SLC6A17: variants seen among roughly 807,000 people sequenced by gnomAD.
SLC6A17 encodes the protein sodium-dependent neutral amino acid transporter SLC6A17.
SLC6A17 carries 21 observed loss-of-function variants against 64.5 expected under a neutral mutation model. That is an observed-to-expected ratio of 0.33 (90% CI 0.23 to 0.47). The LOEUF (loss-of-function observed/expected upper bound fraction) is 0.47, where lower values mean the gene tolerates loss of function less well. Among genes scored for constraint, SLC6A17 ranks in the 20% least tolerant of loss-of-function variants. The pLI is 1.00. For missense variants in SLC6A17, 682 were observed against 963.2 expected, an observed-to-expected ratio of 0.71 and a Z score of 3.86; for synonymous variants, 372 against 399.5, an observed-to-expected ratio of 0.93 and a Z score of 0.82.
At chr1:110,194,145 G>A (rs905962123) in intron 8 of SLC6A17, among the ~76,000 whole-genome samples, 14 of 152,188 alleles carry the variant, frequency 9.2e-5, no homozygotes, top group East Asian at 3.8e-4. Context: ...TAAAGGCTCC[G>A]GTGTGCTTCC....
At chr1:110,160,338 T>C (rs1428778411) in intron 1 of SLC6A17, among the ~76,000 whole-genome samples, 1 of 152,218 alleles carries the variant, frequency 6.6e-6, no homozygotes, top group Non-Finnish European at 1.5e-5. Context: ...TGTGAGGCAG[T>C]AGTAAGATTT....
At chr1:110,184,123 T>G (rs1392817355) in intron 6 of SLC6A17, among the ~76,000 whole-genome samples, 7 of 152,028 alleles carry the variant, frequency 4.6e-5, no homozygotes, top group African/African-American at 1.4e-4. Context: ...TTTTTGTTGG[T>G]TTTTTTTGAC....
chr1:110,191,955 T>A lies in SLC6A17; in HGVS notation c.865-17T>A, dbSNP rs2100947558. Reference sequence around the variant, plus strand: ...CTGTGTCTCTTTTCTTCCTCCTGCCTTGGTCTTCTGCCATAGCTGGACAAG... The same window carrying A: ...CTGTGTCTCTTTTCTTCCTCCTGCCATGGTCTTCTGCCATAGCTGGACAAG... On this transcript the variant is annotated splice_polypyrimidine_tract_variant and intron_variant, in intron 6 of 11. Coordinates refer to ENST00000331565, the MANE Select transcript of SLC6A17 (RefSeq NM_001010898.4). 1.2e-6 allele frequency: 2 copies of A among 1,610,014 alleles called. No homozygotes were observed. The highest frequency in any genetic ancestry group is 2.2e-5 in the South Asian group (2 of 90,894).
chr1:110,191,927 CCTCT>C, intron 6 of SLC6A17, 41 bp from the exon 7 acceptor site: 1 of 1,593,750 alleles, frequency 6.3e-7, no homozygotes, highest in Non-Finnish European at 8.6e-7. Flanking sequence ...AAAACCATCC[CCTCT>C]GTGTCTCTTT....
chr1:110,167,137 A>G lies in SLC6A17; in HGVS notation c.208A>G (p.Ile70Val), dbSNP rs763251686. The change falls in exon 2 of 12, where the codon ATC becomes GTC. Residue 70 changes from isoleucine (I) to valine (V), a missense_variant. Physicochemically the swap from Ile to Val is conservative, Grantham distance 29. Transcript: ENST00000331565. Reference protein sequence around the residue: ...RPAWNSKLQYILAQIGFSVGL... With the variant: ...RPAWNSKLQYVLAQIGFSVGL... ...GGCCTGGAACAGTAAGCTGCAGTAC[A>G]TCCTGGCCCAGATTGGCTTCTCTGT... The G allele has an allele frequency of 1.9e-6, 3 of 1,613,498 alleles. No individual in the cohort carries two copies. Among genetic ancestry groups the G allele is most frequent in the Non-Finnish European group, 2.5e-6 (3 of 1,179,912 alleles).
chr1:110,165,052 A>T (rs919689609), intron 1 of SLC6A17, among the ~76,000 whole-genome samples: 1 of 152,114 alleles, frequency 6.6e-6, no homozygotes, highest in African/African-American at 2.4e-5. Flanking sequence ...CCCAGATCTC[A>T]TCTTTAGTAA....
intron 1 of SLC6A17, among the ~76,000 whole-genome samples, chr1:110,157,616 TAGTC>T (rs1362403159): frequency 6.6e-5 from 10 of 152,050 alleles, no homozygotes; most frequent in East Asian, 3.9e-4. Flanking sequence ...AAAATAAAAA[TAGTC>T]AGGTCACATT....
chr1:110,197,651 G>C, intron 11 of SLC6A17, 52 bp downstream of exon 11: 1 of 1,520,148 alleles, frequency 6.6e-7, no homozygotes, highest in Non-Finnish European at 8.8e-7. Context: ...CTCAGGCCTT[G>C]AATGCAACCA....
In SLC6A17 at chr1:110,192,671, C is replaced by T; in HGVS notation, c.1272C>T (p.Pro424=). 1.2e-6 allele frequency: 2 copies of T among 1,613,778 alleles called. No individual in the cohort carries two copies. The highest frequency in any genetic ancestry group is 8.5e-7 in the Non-Finnish European group (1 of 1,179,822). The change falls in exon 8 of 12, where the codon CCC becomes CCT. Residue 424 remains proline (P), a synonymous_variant. Coordinates refer to ENST00000331565, the MANE Select transcript of SLC6A17 (RefSeq NM_001010898.4). The surrounding 1 kb of genome is among the most constrained non-coding windows in gnomAD (Gnocchi z 4.3). The stretch of plus-strand genomic sequence containing the variant: ...AGTTCTCAGCCCTGGGCCTTGACCC[C>T]TGCCTTCTGGAGGACGAGCTGGACA... ...EDQFSALGLD[P]CLLEDELDKS...
rs1656072385 is a variant in SLC6A17 at position 110,166,866 on chromosome 1, C to T, written c.-64C>T. On this transcript the variant is annotated 5_prime_UTR_variant, in exon 2 of 12. Coordinates refer to ENST00000331565, the MANE Select transcript of SLC6A17 (RefSeq NM_001010898.4). ...AGGTCCCTGAATGAGAAGGAGCTGACAGCAGCTGAATTCCATCTTCTCTGT... is the reference window on the plus strand; with the variant it reads ...AGGTCCCTGAATGAGAAGGAGCTGATAGCAGCTGAATTCCATCTTCTCTGT... 2.0e-6 allele frequency: 3 copies of T among 1,525,720 alleles called. No individual in the cohort carries two copies. Among genetic ancestry groups the T allele is most frequent in the South Asian group, 2.6e-5 (2 of 76,160 alleles). 94.5% of individuals were successfully genotyped at this position (1,525,720 alleles called of 1,614,324 possible).
At chr1:110,178,419 T>C (rs981849378) in intron 6 of SLC6A17, among the ~76,000 whole-genome samples, 6 of 152,200 alleles carry the variant, frequency 3.9e-5, no homozygotes, top group Non-Finnish European at 7.3e-5. Context: ...TTATGAAATA[T>C]CTCAGGCATG....
intron 3 of SLC6A17, among the ~76,000 whole-genome samples, chr1:110,172,991 C>T (rs1395764308): frequency 6.6e-6 from 1 of 152,280 alleles, no homozygotes; most frequent in African/African-American, 2.4e-5. Context: ...CCAGCCCAAA[C>T]TTGCCTCAGG....
chr1:110,196,790 T>C (rs1169131454), intron 10 of SLC6A17, among the ~76,000 whole-genome samples: 1 of 152,192 alleles, frequency 6.6e-6, no homozygotes, highest in Admixed American at 6.5e-5. Context: ...GTGATGAAAA[T>C]CAGCGATGAC....
intron 6 of SLC6A17, among the ~76,000 whole-genome samples, chr1:110,180,257 T>C (rs1469416656): frequency 6.6e-6 from 1 of 151,686 alleles, no homozygotes; most frequent in African/African-American, 2.4e-5. Flanking sequence ...GTGGCAAGAG[T>C]GGAGGGTTAA....
intron 1 of SLC6A17, chr1:110,166,158 T>C (rs1163946941): frequency 6.6e-6 from 1 of 152,248 alleles, no homozygotes; most frequent in Non-Finnish European, 1.5e-5. Flanking sequence ...TCATTGGCAC[T>C]GAGCAAACAG....
chr1:110,179,976 G>A (rs534888017), intron 6 of SLC6A17, among the ~76,000 whole-genome samples: 147 of 152,290 alleles, frequency 9.7e-4, no homozygotes, highest in Non-Finnish European at 1.8e-3. Context: ...AGCCAGGCAC[G>A]GTGGCGTGTG....
chr1:110,155,594 C>T (rs1301845287), intron 1 of SLC6A17, among the ~76,000 whole-genome samples: 1 of 152,144 alleles, frequency 6.6e-6, no homozygotes, highest in African/African-American at 2.4e-5. Flanking sequence ...AGTACCCCAG[C>T]TCACAGGCCC....
At position 110,163,207 on chromosome 1, in the gene SLC6A17, G is replaced by A. The variant is rs897651362; in HGVS notation, c.-87-3636G>A. ...TTGCCTGGCTTCCTTTGACACTGGG[G>A]TGTGGTGCATGGTAGGACTTTCTAG... is the stretch of plus-strand genomic sequence containing the variant. On this transcript the variant is annotated intron_variant, in intron 1 of 11. Coordinates refer to ENST00000331565, the MANE Select transcript of SLC6A17 (RefSeq NM_001010898.4). 5.9e-5 allele frequency among the ~76,000 whole-genome samples: 9 copies of A among 152,038 alleles called. No individual in the cohort carries two copies. The South Asian group carries it at 1.7e-3, about 28-fold the overall frequency.
intron 8 of SLC6A17, among the ~76,000 whole-genome samples, chr1:110,193,890 G>A (rs1290470555): frequency 1.3e-5 from 2 of 152,212 alleles, no homozygotes; most frequent in Non-Finnish European, 2.9e-5. Context: ...CTCACTTAGT[G>A]GGGAAGAAAT....
Sources: allele counts gnomAD v4.1 joint callset (sites outside exome capture counted in the v4.1 genomes callset), GRCh38; gene constraint gnomAD v4.1.1; non-coding constraint Gnocchi (gnomAD v3.1); transcripts MANE v1.5; gene names NCBI Gene and HGNC (gene_info 2026-07-23, HGNC 2026-07-21).